The following TRIP11 variants were observed in gnomAD, a reference collection of about 807,000 sequenced individuals.
TRIP11 encodes the protein thyroid hormone receptor interactor 11.
TRIP11 carries 148 observed loss-of-function variants against 223.1 expected under a neutral mutation model. That is an observed-to-expected ratio of 0.66 (90% CI 0.58 to 0.76). The LOEUF (loss-of-function observed/expected upper bound fraction) is 0.76. Ranked by LOEUF, TRIP11 falls within the 30% of genes least tolerant of loss-of-function variation. The pLI, the probability that TRIP11 is intolerant of heterozygous loss-of-function variation, is 0.00. For missense variants in TRIP11, 2,043 were observed against 2,222.0 expected (o/e 0.92, Z 1.62); for synonymous variants, 762 against 772.6 (o/e 0.99, Z 0.23).
chr14:92,018,619 G>A (rs752668691), intron 4 of TRIP11, among the ~76,000 whole-genome samples: 1 of 152,072 alleles, frequency 6.6e-6, no homozygotes, highest in Non-Finnish European at 1.5e-5. Context: ...ACGTGTGTTT[G>A]AATCATAACT....
At chr14:91,988,224 A>C in intron 16 of TRIP11, 60 bp downstream of exon 16, 1 of 1,347,604 alleles carries the variant, frequency 7.4e-7, no homozygotes, top group Non-Finnish European at 1.0e-6. Flanking sequence ...ATGACAGAAG[A>C]CTACATTTGA....
At chr14:91,987,277 C>T (rs539121929) in intron 16 of TRIP11, among the ~76,000 whole-genome samples, 9 of 152,068 alleles carry the variant, frequency 5.9e-5, no homozygotes, top group Non-Finnish European at 1.2e-4. Context: ...ATTTTGAGGA[C>T]AATTACTTCA....
At chr14:91,991,176 T>C (rs77408472) in intron 15 of TRIP11, among the ~76,000 whole-genome samples, 2,606 of 152,186 alleles carry the variant, frequency 0.017, 65 homozygotes, top group African/African-American at 0.051. Flanking sequence ...AATGTCCTTA[T>C]TGTGGGAGTG....
At chr14:91,990,830 ATCTGGACT>A (rs2056662709) in intron 15 of TRIP11, among the ~76,000 whole-genome samples, 4 of 152,366 alleles carry the variant, frequency 2.6e-5, no homozygotes, top group African/African-American at 7.2e-5. Context: ...AGAGAAGAAG[ATCTGGACT>A]TCCATTCTAG....
Position 92,027,429 on chromosome 14 carries a change from C to A in TRIP11, c.202-2009G>T, listed in dbSNP as rs532957104. ...GGTTTGTATGAGATGGTTAAAAAGG[C>A]CAAAAATAAAAGGTTTCTTTTTTTT... On this transcript the variant is annotated intron_variant, in intron 2 of 20. Transcript: ENST00000267622. Among the ~76,000 whole-genome samples, 11 of 152,050 alleles carry A rather than the reference C, an allele frequency of 7.2e-5. No homozygotes were observed. The East Asian group carries it at 2.1e-3, about 29-fold the overall frequency.
Position 92,004,752 on chromosome 14 carries a change from A to C in TRIP11, c.3224T>G (p.Ile1075Ser). The C allele has an allele frequency of 6.2e-7, 1 of 1,614,176 alleles. No individual in the cohort carries two copies. Among genetic ancestry groups the C allele is most frequent in the Non-Finnish European group, 8.5e-7 (1 of 1,180,020 alleles). Residue 1075 changes from isoleucine to serine, a missense_variant, in exon 11 of 21, where the codon ATT becomes AGT. By Grantham distance (142) the Ile-to-Ser change is moderately radical. Transcript: ENST00000267622. ...ATCTTGAGTATGGGAAGTTGAAGAA[A>C]TTCTAGCATGAAGAGCTTGTATCTC... Reference protein sequence around the residue: ...DLEIQALHARISSTSHTQDVV... With the variant: ...DLEIQALHARSSSTSHTQDVV...
At chr14:92,017,516 A>T (rs1440096109) in intron 5 of TRIP11, among the ~76,000 whole-genome samples, 166 bp downstream of exon 5, 1 of 152,220 alleles carries the variant, frequency 6.6e-6, no homozygotes, top group African/African-American at 2.4e-5. Context: ...ACTGCACTCC[A>T]GCCAGGGCAA....
intron 19 of TRIP11, among the ~76,000 whole-genome samples, chr14:91,973,375 T>G (rs1245312201): frequency 6.6e-6 from 1 of 152,112 alleles, no homozygotes; most frequent in Non-Finnish European, 1.5e-5. Context: ...ATTTAACAAT[T>G]TAATCAATAG....
intron 2 of TRIP11, among the ~76,000 whole-genome samples, chr14:92,026,376 AT>A (rs2057187204): frequency 6.6e-6 from 1 of 152,212 alleles, no homozygotes; most frequent in Admixed American, 6.5e-5. Context: ...ATCTTAACCT[AT>A]TATCATTCCT....
chr14:91,978,058 A>T lies in TRIP11; in HGVS notation c.5261-1869T>A, dbSNP rs144235504. Among the ~76,000 whole-genome samples the T allele has an allele frequency of 8.3e-4, 127 of 152,132 alleles. No homozygotes were observed. The East Asian group carries it at 0.02, about 24-fold the overall frequency. ...GAGGGAGAGAGAGAAGGGGAGAGAG[A>T]GGGCGAAAAGGTGGGGGTGGACAGG... is the stretch of plus-strand genomic sequence containing the variant. On this transcript the variant is annotated intron_variant, in intron 16 of 20. Transcript: ENST00000267622. This position sits in a 1 kb window ranked among gnomAD's most constrained non-coding sequence, Gnocchi z 4.4.
rs1387272512 is a variant in TRIP11, at chr14:92,006,139, T to C, written c.1837A>G (p.Ile613Val). The change falls in exon 11 of 21, where the codon ATT (isoleucine) becomes GTT (valine). Residue 613 changes from isoleucine to valine, a missense_variant. By Grantham distance (29) the Ile-to-Val change is conservative. Coordinates refer to ENST00000267622, the MANE Select transcript of TRIP11 (RefSeq NM_004239.4). ...QKENLELKEH[I>V]RQNEEELSRI... ...GAAAGCTCCTCCTCATTTTGTCTAA[T>C]ATGCTCCTTAAGTTCTAAATTCTCC... 4 of 1,612,540 alleles carry C rather than the reference T, an allele frequency of 2.5e-6. No individual in the cohort carries two copies. Among genetic ancestry groups the C allele is most frequent in the Middle Eastern group, 1.6e-4 (1 of 6,076 alleles).
intron 19 of TRIP11, among the ~76,000 whole-genome samples, chr14:91,973,297 T>A (rs2056423211): frequency 6.6e-6 from 1 of 152,182 alleles, no homozygotes; most frequent in South Asian, 2.1e-4. Context: ...GTGCGGGGAT[T>A]ACAGGCGTGA....
Position 92,007,720 on chromosome 14 carries a change from G to C in TRIP11, c.1447C>G (p.Leu483Val), listed in dbSNP as rs746299878. Residue 483 changes from leucine (L) to valine (V), a missense_variant, in exon 10 of 21, where the codon CTC (leucine) becomes GTC (valine). By Grantham distance (32) the Leu-to-Val change is conservative. Coordinates refer to ENST00000267622, the MANE Select transcript of TRIP11 (RefSeq NM_004239.4). ...RLNLEAKEQE[L>V]NQSISEKETL... ...TCCTTTTCACTAATACTCTGATTGA[G>C]TTCTTGTTCCTTTGCCTCCAAATTA... 2.5e-6 allele frequency: 4 copies of C among 1,613,554 alleles called. No individual in the cohort carries two copies. In the African/African-American group the frequency reaches 5.3e-5, roughly 22 times the overall value.
chr14:91,975,980 C>G (rs2056458908), intron 17 of TRIP11, 128 bp downstream of exon 17: 1 of 782,308 alleles, frequency 1.3e-6, no homozygotes, highest in African/African-American at 1.7e-5. Flanking sequence ...TCCTTCCTCA[C>G]TAAGAGTGAG....
At chr14:91,991,435 G>A (rs926062959) in intron 15 of TRIP11, among the ~76,000 whole-genome samples, 2 of 152,140 alleles carry the variant, frequency 1.3e-5, no homozygotes, top group Non-Finnish European at 2.9e-5. Flanking sequence ...CTACCCATCA[G>A]ATTGTCAAAA....
intron 2 of TRIP11, chr14:92,026,752 G>A: frequency 9.0e-7 from 1 of 1,108,618 alleles, no homozygotes; most frequent in Non-Finnish European, 1.4e-6. Flanking sequence ...GGAGGAGGAA[G>A]AAGAAGGTGA....
intron 9 of TRIP11, among the ~76,000 whole-genome samples, chr14:92,008,828 G>C (rs1400374967): frequency 1.3e-5 from 2 of 151,978 alleles, no homozygotes; most frequent in African/African-American, 4.8e-5. Context: ...ATCATGCCAT[G>C]ATCAGCCACA....
intron 4 of TRIP11, among the ~76,000 whole-genome samples, chr14:92,020,909 A>C (rs1348621180): frequency 6.6e-6 from 1 of 151,496 alleles, no homozygotes; most frequent in African/African-American, 2.4e-5. Flanking sequence ...ATCTCTACTA[A>C]AAATACAAAA....
At chr14:91,971,918 C>T (rs1156307942) in intron 20 of TRIP11, among the ~76,000 whole-genome samples, 1 of 152,118 alleles carries the variant, frequency 6.6e-6, no homozygotes, top group African/African-American at 2.4e-5. Context: ...ATTTAAGCAT[C>T]TGATGTGTGA....
Sources: gnomAD v4.1 joint callset for allele counts (sites outside exome capture counted in the v4.1 genomes callset) on GRCh38, gnomAD v4.1.1 for gene constraint, Gnocchi (gnomAD v3.1) non-coding constraint, MANE v1.5 for transcripts, NCBI Gene and HGNC (gene_info 2026-07-23, HGNC 2026-07-21) for gene names.